Variants in CSMD3 observed in about 807,000 individuals in gnomAD.
CSMD3 encodes CUB and sushi domain-containing protein 3.
In CSMD3, 177 loss-of-function variants were observed where a neutral mutation model predicts 435.2. That is an observed-to-expected ratio of 0.41 (90% CI 0.36 to 0.46). The LOEUF (loss-of-function observed/expected upper bound fraction) is 0.46, where lower values mean the gene tolerates loss of function less well. Among genes scored for constraint, CSMD3 ranks in the 20% least tolerant of loss-of-function variants. The pLI, the probability that CSMD3 is intolerant of heterozygous loss-of-function variation, is 0.34. For missense variants in CSMD3, 4,265 were observed against 4,504.6 expected (o/e 0.95, Z 1.52); for synonymous variants, 1,656 against 1,520.5 (o/e 1.09, Z -2.07).
At position 112,911,283 on chromosome 8, in the gene CSMD3, A is replaced by G. The variant is rs1455633948; in HGVS notation, c.1633+10344T>C. Among the ~76,000 whole-genome samples, 4 of 151,826 alleles carry G rather than the reference A, an allele frequency of 2.6e-5. 1 individual carries two copies. The Admixed American group carries it at 2.6e-4, about 10-fold the overall frequency. On this transcript the variant is annotated intron_variant, in intron 10 of 70. Coordinates refer to ENST00000297405, the MANE Select transcript of CSMD3 (RefSeq NM_198123.2). ...TTTAAAATATCTCCAGCTTATTAAG[A>G]TACAATTGACAAATAAAAAATGTAT...
At chr8:112,677,069 C>T (rs1020823526) in intron 16 of CSMD3, among the ~76,000 whole-genome samples, 3 of 151,926 alleles carry the variant, frequency 2.0e-5, no homozygotes, top group African/African-American at 4.8e-5. Flanking sequence ...GAATGTCAAT[C>T]GAAAACCATC....
intron 10 of CSMD3, among the ~76,000 whole-genome samples, chr8:112,876,192 A>G (rs2081276928): frequency 6.6e-6 from 1 of 152,040 alleles, no homozygotes; most frequent in African/African-American, 2.4e-5. Flanking sequence ...AATTAATAGT[A>G]TACCAACCAT....
At position 112,685,603 on chromosome 8, in the gene CSMD3, G is replaced by A. The variant is rs779221068; in HGVS notation, c.2285C>T (p.Ser762Phe). ...ISDPGSRIHL[S>F]FNDFDLESQF... ...GGATTCCAGGTCAAAGTCATTGAAA[G>A]AAAGATGTATCCGGCTCCCTGGATC... is the stretch of plus-strand genomic sequence containing the variant. The change falls in exon 15 of 71, where the codon TCT becomes TTT. Residue 762 changes from serine to phenylalanine, a missense_variant. Physicochemically the swap from Ser to Phe is radical, Grantham distance 155 (BLOSUM62 -2). Coordinates refer to ENST00000297405, the MANE Select transcript of CSMD3 (RefSeq NM_198123.2). The A allele has an allele frequency of 4.3e-6, 7 of 1,613,966 alleles. No individual in the cohort carries two copies. The South Asian group carries it at 7.7e-5, about 18-fold the overall frequency.
Position 113,236,127 on chromosome 8 carries a change from A to AG in CSMD3, c.514+42464dup, listed in dbSNP as rs578041105. On this transcript the variant is annotated intron_variant, in intron 3 of 70. Transcript: ENST00000297405. ...TTTGAATAGTAAAAAACACACCACT[A>AG]GGTGGAGATTTTATATGCTAATGAT... Among the ~76,000 whole-genome samples, 536 of 152,276 alleles carry AG rather than the reference A, an allele frequency of 3.5e-3. 2 individuals carry two copies. The highest frequency in any genetic ancestry group is 0.012 in the African/African-American group (499 of 41,572).
intron 52 of CSMD3, among the ~76,000 whole-genome samples, chr8:112,304,199 G>A (rs918946833): frequency 1.3e-5 from 2 of 152,036 alleles, no homozygotes; most frequent in African/African-American, 2.4e-5. Flanking sequence ...TACATGACAG[G>A]TGTTATAATT....
At chr8:112,331,040 T>C (rs562116726) in intron 45 of CSMD3, among the ~76,000 whole-genome samples, 104 of 152,156 alleles carry the variant, frequency 6.8e-4, no homozygotes, top group African/African-American at 2.2e-3. Context: ...TAATAATACT[T>C]ACCTTATAGG....
chr8:112,859,121 A>T (rs777792368), intron 11 of CSMD3, 24 bp downstream of exon 11: 6 of 1,595,286 alleles, frequency 3.8e-6, no homozygotes, highest in African/African-American at 1.3e-5. Flanking sequence ...CTTTTTTTTT[A>T]AATCACAGAT....
chr8:112,907,191 G>T (rs1322701425), intron 10 of CSMD3, among the ~76,000 whole-genome samples: 4 of 151,424 alleles, frequency 2.6e-5, no homozygotes, highest in African/African-American at 9.7e-5. Flanking sequence ...GCACAGAAAA[G>T]AATAGTCCCT....
intron 63 of CSMD3, among the ~76,000 whole-genome samples, chr8:112,252,187 C>G (rs981838858): frequency 3.9e-4 from 60 of 151,950 alleles, no homozygotes; most frequent in Middle Eastern, 6.8e-3. Context: ...TGCGTCATAA[C>G]TCACTACCGG....
intron 5 of CSMD3, among the ~76,000 whole-genome samples, chr8:113,069,291 GC>G (rs766512578): frequency 2.6e-5 from 4 of 152,038 alleles, no homozygotes; most frequent in Non-Finnish European, 5.9e-5. Flanking sequence ...AACAAACACA[GC>G]AGAACATAGC....
intron 24 of CSMD3, among the ~76,000 whole-genome samples, chr8:112,571,823 C>A (rs939580933): frequency 6.7e-6 from 1 of 149,888 alleles, no homozygotes; most frequent in Non-Finnish European, 1.5e-5. Context: ...AAGCAAAGAT[C>A]GCGCCATTGC....
At chr8:112,367,251 A>C (rs1241339188) in intron 38 of CSMD3, among the ~76,000 whole-genome samples, 4 of 152,168 alleles carry the variant, frequency 2.6e-5, no homozygotes, top group Non-Finnish European at 4.4e-5. Context: ...TTTGAAGAAT[A>C]CATCTATCTT....
chr8:112,752,653 G>A (rs1390017558), intron 13 of CSMD3, among the ~76,000 whole-genome samples: 5 of 151,482 alleles, frequency 3.3e-5, no homozygotes. Flanking sequence ...CTAACAATAG[G>A]ATAACTAAAG....
chr8:113,250,188 C>A (rs72670712), intron 3 of CSMD3, among the ~76,000 whole-genome samples: 2 of 151,890 alleles, frequency 1.3e-5, no homozygotes, highest in Non-Finnish European at 2.9e-5. Flanking sequence ...TTTTTTTACA[C>A]ATTTATTTGA....
intron 38 of CSMD3, among the ~76,000 whole-genome samples, chr8:112,372,080 A>G (rs533175012): frequency 6.6e-6 from 1 of 152,082 alleles, no homozygotes; most frequent in Non-Finnish European, 1.5e-5. Flanking sequence ...GGGATAAAAA[A>G]GTTCACAAAT....
chr8:112,776,367 T>G (rs1393236680), intron 13 of CSMD3, among the ~76,000 whole-genome samples: 1 of 151,792 alleles, frequency 6.6e-6, no homozygotes, highest in Non-Finnish European at 1.5e-5. Flanking sequence ...ATCCACCAAA[T>G]TATTTTTCTT....
chr8:113,355,091 A>T (rs2094212940), intron 1 of CSMD3, among the ~76,000 whole-genome samples: 1 of 152,240 alleles, frequency 6.6e-6, no homozygotes, highest in South Asian at 2.1e-4. Context: ...GGTTAAAAAC[A>T]ATACTTCAAA....
intron 11 of CSMD3, among the ~76,000 whole-genome samples, chr8:112,846,295 CTT>C (rs1351552682): frequency 6.7e-6 from 1 of 149,586 alleles, no homozygotes; most frequent in Non-Finnish European, 1.5e-5. Context: ...CTCTCTCTCT[CTT>C]TCTCCTTTCC....
Position 113,127,311 on chromosome 8 carries a change from G to A in CSMD3, c.710-28348C>T, listed in dbSNP as rs561923672. Among the ~76,000 whole-genome samples, 81 of 152,108 alleles carry A rather than the reference G, an allele frequency of 5.3e-4. 1 individual carries two copies. Among genetic ancestry groups the A allele is most frequent in the South Asian group, 4.1e-3 (20 of 4,822 alleles). On this transcript the variant is annotated intron_variant, in intron 4 of 70. Coordinates refer to ENST00000297405, the MANE Select transcript of CSMD3 (RefSeq NM_198123.2). ...ATCTGTCACAAGCATTTCAAACTTG[G>A]TATCAACAAAATAAGGTCATAATTT...
Sources: gnomAD v4.1 joint callset for allele counts (sites outside exome capture counted in the v4.1 genomes callset) on GRCh38, gnomAD v4.1.1 for gene constraint, MANE v1.5 for transcripts, NCBI Gene and HGNC (gene_info 2026-07-23, HGNC 2026-07-21) for gene names.